Variants in DAB1 observed in about 807,000 individuals in gnomAD.
DAB1 encodes disabled homolog 1.
DAB1 carries 15 observed loss-of-function variants against 64.6 expected under a neutral mutation model. That is an observed-to-expected ratio of 0.23 (90% CI 0.16 to 0.36). DAB1 has a LOEUF of 0.36. Among genes scored for constraint, DAB1 ranks in the 10% least tolerant of loss-of-function variants. DAB1 has a pLI of 1.00. For missense variants in DAB1, 596 were observed against 706.7 expected, an observed-to-expected ratio of 0.84 and a Z score of 1.78; for synonymous variants, 235 against 251.9, an observed-to-expected ratio of 0.93 and a Z score of 0.64.
intron 7 of DAB1, among the ~76,000 whole-genome samples, chr1:57,622,531 T>A (rs1011441627): frequency 6.6e-6 from 1 of 152,216 alleles, no homozygotes; most frequent in Admixed American, 6.5e-5. Flanking sequence ...TCACCACATT[T>A]TAGTGTGTTT....
At chr1:58,377,624 A>G (rs1644341887) in intron 3 of DAB1, among the ~76,000 whole-genome samples, 1 of 137,822 alleles carries the variant, frequency 7.3e-6, no homozygotes, top group Non-Finnish European at 1.6e-5. Context: ...TTTTTCCTTC[A>G]TTTCAACTTT....
At chr1:58,305,089 C>G (rs994071883) in intron 4 of DAB1, among the ~76,000 whole-genome samples, 1 of 151,908 alleles carries the variant, frequency 6.6e-6, no homozygotes, top group African/African-American at 2.4e-5. Flanking sequence ...CTCCTGGGCT[C>G]AAGTAATCAC....
intron 7 of DAB1, among the ~76,000 whole-genome samples, chr1:57,450,926 C>T (rs1686325903): frequency 6.6e-6 from 1 of 152,170 alleles, no homozygotes; most frequent in South Asian, 2.1e-4. Context: ...GTTATCTAAT[C>T]GTCTCACAGT....
chr1:57,638,367 T>C (rs1044673386), intron 7 of DAB1, among the ~76,000 whole-genome samples: 1 of 152,166 alleles, frequency 6.6e-6, no homozygotes, highest in Non-Finnish European at 1.5e-5. Context: ...GAAGTACATG[T>C]TTTCAGCAGT....
At chr1:57,443,550 C>A (rs2101138121) in intron 7 of DAB1, among the ~76,000 whole-genome samples, 1 of 152,300 alleles carries the variant, frequency 6.6e-6, no homozygotes, top group African/African-American at 2.4e-5. Context: ...GGCACTCTAC[C>A]AACCTACTCC....
chr1:57,668,995 G>A (rs951937988), intron 6 of DAB1, among the ~76,000 whole-genome samples: 2 of 152,028 alleles, frequency 1.3e-5, no homozygotes, highest in East Asian at 1.9e-4. Context: ...ATTTCCATGC[G>A]AGCTTTTGTG....
chr1:57,078,861 G>A (rs187019082), intron 4 of DAB1, among the ~76,000 whole-genome samples: 1 of 152,206 alleles, frequency 6.6e-6, no homozygotes, highest in Admixed American at 6.5e-5. Flanking sequence ...TGTAATATCT[G>A]GGCAAAAACT....
chr1:57,742,911 T>C (rs998640338), intron 6 of DAB1, among the ~76,000 whole-genome samples: 1 of 152,180 alleles, frequency 6.6e-6, no homozygotes, highest in African/African-American at 2.4e-5. Context: ...GAGACCAAGC[T>C]GAGAGTTAAT....
chr1:57,202,433 A>G (rs923900156), intron 2 of DAB1, among the ~76,000 whole-genome samples: 1 of 152,196 alleles, frequency 6.6e-6, no homozygotes, highest in Non-Finnish European at 1.5e-5. Context: ...CCACTTGGGA[A>G]CCCATTGAAA....
intron 2 of DAB1, among the ~76,000 whole-genome samples, chr1:57,198,438 C>T (rs1218154170): frequency 2.0e-5 from 3 of 152,146 alleles, no homozygotes; most frequent in Non-Finnish European, 4.4e-5. Context: ...TGGGCATCCC[C>T]CTGCCCCAAG....
At chr1:57,099,496 T>C (rs1654473286) in intron 4 of DAB1, among the ~76,000 whole-genome samples, 2 of 152,204 alleles carry the variant, frequency 1.3e-5, no homozygotes. Flanking sequence ...TAGTGTAAGC[T>C]AGGTAATATA....
intron 4 of DAB1, among the ~76,000 whole-genome samples, chr1:58,217,860 A>G (rs1658937944): frequency 6.6e-6 from 1 of 152,160 alleles, no homozygotes; most frequent in South Asian, 2.1e-4. Context: ...CTTCATAAAT[A>G]TCTGTTAATA....
intron 2 of DAB1, among the ~76,000 whole-genome samples, chr1:57,224,811 T>C (rs1025424231): frequency 1.3e-5 from 2 of 152,228 alleles, no homozygotes; most frequent in African/African-American, 4.8e-5. Context: ...AGCTTCAGGA[T>C]GGGAGCTGGT....
intron 1 of DAB1, among the ~76,000 whole-genome samples, chr1:57,347,159 A>C (rs1004399534): frequency 6.6e-6 from 1 of 152,212 alleles, no homozygotes; most frequent in Admixed American, 6.5e-5. Flanking sequence ...GTCAACAAAT[A>C]TGCTTATACA....
At chr1:57,143,026 T>C (rs1430767340) in intron 3 of DAB1, among the ~76,000 whole-genome samples, 2 of 152,182 alleles carry the variant, frequency 1.3e-5, no homozygotes, top group African/African-American at 4.8e-5. Flanking sequence ...CCGCTTGGGA[T>C]GGAAGGTATG....
intron 5 of DAB1, among the ~76,000 whole-genome samples, chr1:57,945,355 G>C (rs1192945025): frequency 6.6e-6 from 1 of 151,972 alleles, no homozygotes; most frequent in East Asian, 1.9e-4. Context: ...GAATTCCTGG[G>C]CTCAAGCCAT....
At position 57,176,724 on chromosome 1, in the gene DAB1, T is replaced by G. The variant is rs78512590; in HGVS notation, c.68-31295A>C. ...TGCTAAAGGTCTAGTAAAATCTGGA[T>G]CCTTCTGGTTATGGGCAAAGATTTG... is the stretch of plus-strand genomic sequence containing the variant. On this transcript the variant is annotated intron_variant, in intron 2 of 14. Transcript: ENST00000371236. Among the ~76,000 whole-genome samples, 411 of 152,132 alleles carry G rather than the reference T, an allele frequency of 2.7e-3. 2 individuals are homozygous for G. Among genetic ancestry groups the G allele is most frequent in the African/African-American group, 9.7e-3 (404 of 41,500 alleles).
intron 5 of DAB1, among the ~76,000 whole-genome samples, chr1:57,971,072 A>G (rs1645784690): frequency 6.6e-6 from 1 of 152,196 alleles, no homozygotes. Flanking sequence ...TTACATCATC[A>G]GCCCCATTTA....
intron 4 of DAB1, among the ~76,000 whole-genome samples, chr1:57,127,919 G>A (rs1317445433): frequency 5.9e-5 from 9 of 152,004 alleles, no homozygotes; most frequent in Admixed American, 1.3e-4. Context: ...AGGCCAAGGC[G>A]GCTGGATCAC....
Sources: allele counts gnomAD v4.1 joint callset (sites outside exome capture counted in the v4.1 genomes callset), GRCh38; gene constraint gnomAD v4.1.1; transcripts MANE v1.5; gene names NCBI Gene and HGNC (gene_info 2026-07-23, HGNC 2026-07-21).